Variants in CDK5RAP2 observed in about 807,000 individuals in gnomAD.
The protein encoded by CDK5RAP2 is CDK5 regulatory subunit associated protein 2.
CDK5RAP2 carries 147 observed loss-of-function variants against 232.9 expected under a neutral mutation model. That is an observed-to-expected ratio of 0.63 (90% CI 0.55 to 0.72). The LOEUF is 0.72. CDK5RAP2 is among the 30% of genes least tolerant of loss of function. CDK5RAP2 has a pLI of 0.00. For synonymous variants in CDK5RAP2, 833 were observed against 833.7 expected, an observed-to-expected ratio of 1.00 and a Z score of 0.01; for missense variants, 2,195 against 2,231.5, an observed-to-expected ratio of 0.98 and a Z score of 0.33.
intron 18 of CDK5RAP2, among the ~76,000 whole-genome samples, chr9:120,463,648 T>C (rs7869290): frequency 0.33 from 49,697 of 152,094 alleles, 8,485 homozygotes; most frequent in Middle Eastern, 0.4. Context: ...AAGAAAGTAT[T>C]GTTAACACAT....
In CDK5RAP2 at chr9:120,575,048, CTGTTT is replaced by C. The variant is rs1187599753; in HGVS notation, c.60-3012_60-3008del. The stretch of plus-strand genomic sequence containing the variant: ...GCACAGGGCACAGCCATCATAACGA[CTGTTT>C]TGTTTTGTTTTGGTTTTTTGGAGAC... On this transcript the variant is annotated intron_variant, in intron 1 of 37. Coordinates refer to ENST00000349780, the MANE Select transcript of CDK5RAP2 (RefSeq NM_018249.6). 3.3e-5 allele frequency among the ~76,000 whole-genome samples: 5 copies of C among 151,850 alleles called. No individual in the cohort carries two copies. The South Asian group carries it at 8.3e-4, about 25-fold the overall frequency.
At chr9:120,441,052 C>T (rs1258670312) in intron 23 of CDK5RAP2, among the ~76,000 whole-genome samples, 1 of 152,210 alleles carries the variant, frequency 6.6e-6, no homozygotes, top group Non-Finnish European at 1.5e-5. Flanking sequence ...TTGAAGGCCA[C>T]ACAGCCTGAG....
At chr9:120,530,163 TATTA>T (rs750253721) in intron 7 of CDK5RAP2, 23 bp from the exon 8 acceptor site, 2 of 1,594,538 alleles carry the variant, frequency 1.3e-6, no homozygotes, top group South Asian at 1.1e-5. Flanking sequence ...AAAATTTAAA[TATTA>T]ATTCTAAGCT....
At position 120,516,577 on chromosome 9, in the gene CDK5RAP2, G is replaced by C. The variant is rs143784685; in HGVS notation, c.1311+1850C>G. On this transcript the variant is annotated intron_variant, in intron 12 of 37. Transcript: ENST00000349780. ...GCAGTGTCTCACACCTGTAATCCCA[G>C]CACTTTCAGAGGCCAAGATGTGAAG... Among the ~76,000 whole-genome samples, 343 of 152,234 alleles carry C rather than the reference G, an allele frequency of 2.3e-3. 2 individuals carry two copies. Among genetic ancestry groups the C allele is most frequent in the African/African-American group, 7.9e-3 (327 of 41,524 alleles).
Position 120,555,450 on chromosome 9 carries a change from T to A in CDK5RAP2, c.196-4548A>T, listed in dbSNP as rs908970421. Among the ~76,000 whole-genome samples, 3 of 152,090 alleles carry A rather than the reference T, an allele frequency of 2.0e-5. No homozygotes were observed. The South Asian group carries it at 6.2e-4, about 31-fold the overall frequency. On this transcript the variant is annotated intron_variant, in intron 3 of 37. Coordinates refer to ENST00000349780, the MANE Select transcript of CDK5RAP2 (RefSeq NM_018249.6). ...ACCCTGCCTGGCCCGGCAGATCACT[T>A]CTCTGTGGACCTCAGCTTCCATATC...
Position 120,404,033 on chromosome 9 carries a change from T to C in CDK5RAP2, c.5041+3A>G. On this transcript the variant is annotated splice_donor_region_variant and intron_variant, in intron 33 of 37. Transcript: ENST00000349780. ...CACAGTTACCTGGACTTCAGCTTTG[T>C]ACCTGATTTTGGTGTCACTGCCTGG... 1 of 1,600,634 alleles carries C rather than the reference T, an allele frequency of 6.2e-7. No individual in the cohort carries two copies. Among genetic ancestry groups the C allele is most frequent in the Non-Finnish European group, 8.6e-7 (1 of 1,167,630 alleles).
In CDK5RAP2 at chr9:120,544,730, T is replaced by A. The variant is rs59979804; in HGVS notation, c.383+984A>T. On this transcript the variant is annotated intron_variant, in intron 5 of 37. Coordinates refer to ENST00000349780, the MANE Select transcript of CDK5RAP2 (RefSeq NM_018249.6). ...GGTGAGGCAACCCTGGAAAGTCTTA[T>A]TCCACTGTCACAGAACAAAACTTAG... 4.0e-3 allele frequency among the ~76,000 whole-genome samples: 603 copies of A among 152,370 alleles called. 7 individuals are homozygous for A. The highest frequency in any genetic ancestry group is 0.014 in the African/African-American group (575 of 41,588).
At chr9:120,399,273 G>A (rs1164638943) in intron 35 of CDK5RAP2, among the ~76,000 whole-genome samples, 1 of 152,124 alleles carries the variant, frequency 6.6e-6, no homozygotes, top group African/African-American at 2.4e-5. Context: ...ACTACAATGT[G>A]CTAAGGATAA....
chr9:120,536,264 G>A (rs1343888001), intron 7 of CDK5RAP2, 108 bp downstream of exon 7: 2 of 1,246,140 alleles, frequency 1.6e-6, no homozygotes, highest in African/African-American at 1.5e-5. Flanking sequence ...CAAGTCCTAT[G>A]GGAAACATGG....
Position 120,564,448 on chromosome 9 carries a change from C to T in CDK5RAP2, c.195+3873G>A, listed in dbSNP as rs2042572963. ...GCGGCTGCAGTGAGCCGAGATCGTG[C>T]CACTCCACTCCAGCCTGGGCAACAG... is the stretch of plus-strand genomic sequence containing the variant. On this transcript the variant is annotated intron_variant, in intron 3 of 37. Transcript: ENST00000349780. Among the ~76,000 whole-genome samples, 6 of 150,442 alleles carry T rather than the reference C, an allele frequency of 4.0e-5. No individual in the cohort carries two copies. In the South Asian group the frequency reaches 1.3e-3, roughly 32 times the overall value.
At chr9:120,453,896 A>T in intron 20 of CDK5RAP2, 23 bp from the exon 21 acceptor site, 1 of 1,613,450 alleles carries the variant, frequency 6.2e-7, no homozygotes, top group Non-Finnish European at 8.5e-7. Flanking sequence ...AAGGGAAGGA[A>T]GTGGGAGAAC....
At chr9:120,478,644 G>A (rs1303914058) in intron 14 of CDK5RAP2, among the ~76,000 whole-genome samples, 1 of 152,108 alleles carries the variant, frequency 6.6e-6, no homozygotes, top group African/African-American at 2.4e-5. Context: ...CGCTGGATAT[G>A]GTGGCATGCA....
At chr9:120,440,566 T>C (rs1484152384) in intron 23 of CDK5RAP2, 1 of 162,458 alleles carries the variant, frequency 6.2e-6, no homozygotes, top group East Asian at 1.7e-4. Context: ...TGTGGTTCTG[T>C]AGCACCTTAT....
chr9:120,389,162 G>A lies in CDK5RAP2; in HGVS notation c.*74C>T. The A allele has an allele frequency of 8.1e-7, 1 of 1,230,798 alleles. No individual in the cohort carries two copies. The highest frequency in any genetic ancestry group is 1.3e-5 in the South Asian group (1 of 78,930). The allele number at this position is 1,230,798 out of a possible 1,614,324, so 76.2% of individuals were successfully genotyped here. The stretch of plus-strand genomic sequence containing the variant: ...CAGCTCTTTCTTCCTCAATAAATAG[G>A]AACCACACTTGGAACAAAGAGACAG... On this transcript the variant is annotated 3_prime_UTR_variant, in exon 38 of 38. Transcript: ENST00000349780.
chr9:120,425,932 C>T lies in CDK5RAP2; in HGVS notation c.3956-3191G>A, dbSNP rs890219249. 6.6e-5 allele frequency among the ~76,000 whole-genome samples: 10 copies of T among 152,302 alleles called. No individual in the cohort carries two copies. The East Asian group carries it at 1.9e-3, about 29-fold the overall frequency. Reference sequence around the variant, plus strand: ...CTGCACTACACACTGTGATAAGGGGCCGCAACAGATGCTGTGGGAAGGCAC... The same window carrying T: ...CTGCACTACACACTGTGATAAGGGGTCGCAACAGATGCTGTGGGAAGGCAC... On this transcript the variant is annotated intron_variant, in intron 25 of 37. Coordinates refer to ENST00000349780, the MANE Select transcript of CDK5RAP2 (RefSeq NM_018249.6).
chr9:120,479,675 G>A (rs1051302939), intron 14 of CDK5RAP2, among the ~76,000 whole-genome samples: 1 of 152,188 alleles, frequency 6.6e-6, no homozygotes, highest in Non-Finnish European at 1.5e-5. Flanking sequence ...AACTGGCCCA[G>A]GCACTTCAAA....
At chr9:120,560,959 C>A (rs1055924871) in intron 3 of CDK5RAP2, among the ~76,000 whole-genome samples, 1 of 151,774 alleles carries the variant, frequency 6.6e-6, no homozygotes, top group African/African-American at 2.4e-5. Flanking sequence ...TACACACACA[C>A]ACAGTAAAGC....
chr9:120,572,977 A>T (rs1367264225), intron 1 of CDK5RAP2, among the ~76,000 whole-genome samples: 1 of 152,222 alleles, frequency 6.6e-6, no homozygotes, highest in Non-Finnish European at 1.5e-5. Context: ...CCAGGGTCAC[A>T]TGGCGGTTCT....
intron 5 of CDK5RAP2, among the ~76,000 whole-genome samples, chr9:120,539,727 A>G (rs1472240240): frequency 1.3e-5 from 2 of 152,250 alleles, no homozygotes; most frequent in African/African-American, 4.8e-5. Context: ...GCATCCTTGT[A>G]TGTCTACTAT....
Sources: gnomAD v4.1 joint callset for allele counts (sites outside exome capture counted in the v4.1 genomes callset) on GRCh38, gnomAD v4.1.1 for gene constraint, MANE v1.5 for transcripts, NCBI Gene and HGNC (gene_info 2026-07-23, HGNC 2026-07-21) for gene names.